SLC36A4: variants seen among roughly 807,000 people sequenced by gnomAD.
The protein encoded by SLC36A4 is solute carrier family 36 member 4.
In SLC36A4, 49 loss-of-function variants were observed where a neutral mutation model predicts 50.5. The observed-to-expected ratio is 0.97, with a 90% CI of 0.77 to 1.23. SLC36A4 has a LOEUF of 1.23. Among genes scored for constraint, SLC36A4 ranks in the 50% most tolerant of loss-of-function variants. The pLI, the probability that SLC36A4 is intolerant of heterozygous loss-of-function variation, is 0.00. For synonymous variants in SLC36A4, 207 were observed against 206.5 expected, an observed-to-expected ratio of 1.00 and a Z score of -0.02; for missense variants, 611 against 608.4, an observed-to-expected ratio of 1.00 and a Z score of -0.05.
At chr11:93,174,095 C>A (rs2134674662) in intron 6 of SLC36A4, among the ~76,000 whole-genome samples, 1 of 151,184 alleles carries the variant, frequency 6.6e-6, no homozygotes, top group African/African-American at 2.4e-5. Context: ...AATGTTCTTC[C>A]ATTTGTTTGT....
chr11:93,197,682 C>T, intron 1 of SLC36A4, 96 bp downstream of exon 1: 2 of 1,372,748 alleles, frequency 1.5e-6, no homozygotes, highest in Non-Finnish European at 2.0e-6. Context: ...TCAACTCAGG[C>T]CAAGCGCGGG....
At chr11:93,171,469 C>T (rs1285770578) in intron 6 of SLC36A4, 1 of 152,038 alleles carries the variant, frequency 6.6e-6, no homozygotes, top group Non-Finnish European at 1.5e-5. Context: ...TTCCATATGA[C>T]TTAGGGCACA....
At chr11:93,196,771 T>C (rs1201768030) in intron 1 of SLC36A4, among the ~76,000 whole-genome samples, 1 of 152,220 alleles carries the variant, frequency 6.6e-6, no homozygotes, top group African/African-American at 2.4e-5. Flanking sequence ...TATTAATGAA[T>C]GAAACCTGAG....
At chr11:93,189,302 G>A (rs1431815433) in intron 1 of SLC36A4, among the ~76,000 whole-genome samples, 1 of 152,018 alleles carries the variant, frequency 6.6e-6, no homozygotes, top group Admixed American at 6.6e-5. Flanking sequence ...AACCTCAGGT[G>A]CCTCAGCCTC....
intron 9 of SLC36A4, among the ~76,000 whole-genome samples, chr11:93,155,790 TCATTTAG>T (rs1244095879): frequency 6.6e-6 from 1 of 152,110 alleles, no homozygotes; most frequent in Non-Finnish European, 1.5e-5. Context: ...CGCGTTTTCA[TCATTTAG>T]CTCCCACTTA....
chr11:93,195,400 A>G (rs749878215), intron 1 of SLC36A4, among the ~76,000 whole-genome samples: 1 of 151,514 alleles, frequency 6.6e-6, no homozygotes, highest in Non-Finnish European at 1.5e-5. Context: ...CTGTCAGGAA[A>G]TCACACTGGT....
At position 93,144,991 on chromosome 11, in the gene SLC36A4, TCTC is replaced by T. The variant is rs1859820233; in HGVS notation, c.*3543_*3545del. ...TTTACACTAGCTCTATTTCAAATCT[TCTC>T]CTTTTAAATGAAGAAAGAAGTGAGG... On this transcript the variant is annotated 3_prime_UTR_variant, in exon 11 of 11. Transcript: ENST00000326402. The T allele has an allele frequency of 1.3e-5, 2 of 152,016 alleles. No homozygotes were observed. Among genetic ancestry groups the T allele is most frequent in the African/African-American group, 2.4e-5 (1 of 41,426 alleles). 9.4% of individuals were successfully genotyped at this position (152,016 alleles called of 1,614,324 possible).
rs1397879627 is a variant in SLC36A4, at chr11:93,147,819, C to T, written c.*718G>A. 1 of 152,050 alleles carries T rather than the reference C, an allele frequency of 6.6e-6. No individual in the cohort carries two copies. The highest frequency in any genetic ancestry group is 1.5e-5 in the Non-Finnish European group (1 of 67,992). The allele number at this position is 152,050 out of a possible 1,614,324, so 9.4% of individuals were successfully genotyped here. A position where few individuals can be genotyped will look rare whatever the true frequency, so the allele number is the denominator to read the frequency against. On this transcript the variant is annotated 3_prime_UTR_variant, in exon 11 of 11. Coordinates refer to ENST00000326402, the MANE Select transcript of SLC36A4 (RefSeq NM_152313.4). ...GACCAAGTTACTTAACCTTTCTAGGCCTCCTTTTCCTCTGACGAAAAACAA... is the reference window on the plus strand; with the variant it reads ...GACCAAGTTACTTAACCTTTCTAGGTCTCCTTTTCCTCTGACGAAAAACAA...
chr11:93,182,497 T>C (rs766699409), intron 4 of SLC36A4, among the ~76,000 whole-genome samples: 31 of 152,136 alleles, frequency 2.0e-4, no homozygotes, highest in Non-Finnish European at 4.0e-4. Context: ...TACTAACACA[T>C]TGAAGACTAT....
In SLC36A4 at chr11:93,146,970, A is replaced by G. The variant is rs1394342369; in HGVS notation, c.*1567T>C. 1 of 151,928 alleles carries G rather than the reference A, an allele frequency of 6.6e-6. No individual in the cohort carries two copies. The highest frequency in any genetic ancestry group is 1.5e-5 in the Non-Finnish European group (1 of 67,960). 9.4% of individuals were successfully genotyped at this position (151,928 alleles called of 1,614,324 possible). On this transcript the variant is annotated 3_prime_UTR_variant, in exon 11 of 11. Transcript: ENST00000326402. ...TCCCTTTATGTTATGATTCTTGTAT[A>G]TATTTATTGTTGTTTTAGTTTTTAA...
intron 6 of SLC36A4, among the ~76,000 whole-genome samples, chr11:93,175,021 G>T (rs1861387799): frequency 6.6e-6 from 1 of 151,830 alleles, no homozygotes; most frequent in Non-Finnish European, 1.5e-5. Flanking sequence ...CAGAAGGAAT[G>T]GTACCAGTTC....
intron 1 of SLC36A4, among the ~76,000 whole-genome samples, chr11:93,191,073 A>G (rs1488623405): frequency 2.0e-5 from 3 of 152,240 alleles, no homozygotes; most frequent in Non-Finnish European, 4.4e-5. Flanking sequence ...TTAGTACCCA[A>G]GAAGTTGCAT....
At chr11:93,195,183 C>G (rs1047836212) in intron 1 of SLC36A4, among the ~76,000 whole-genome samples, 4 of 151,278 alleles carry the variant, frequency 2.6e-5, no homozygotes, top group Non-Finnish European at 5.9e-5. Context: ...ATAATCTATT[C>G]ATTAGACACA....
rs1168001945 is a variant in SLC36A4 at position 93,167,341 on chromosome 11, C to CACAT, written c.768+599_768+602dup. 4.6e-5 allele frequency: 7 copies of CACAT among 152,186 alleles called. No homozygotes were observed. In the East Asian group the frequency reaches 7.7e-4, roughly 17 times the overall value. 9.4% of individuals were successfully genotyped at this position (152,186 alleles called of 1,614,324 possible). On this transcript the variant is annotated intron_variant, in intron 7 of 10. Transcript: ENST00000326402. The stretch of plus-strand genomic sequence containing the variant: ...GCTATACAACTGCTCAACAGCAAAA[C>CACAT]ACATACATACATACAGAAATACTAA...
In SLC36A4 at chr11:93,170,406, G is replaced by GT. The variant is rs1861077020; in HGVS notation, c.541-2236dup. On this transcript the variant is annotated intron_variant, in intron 6 of 10. Transcript: ENST00000326402. ...ATTAAAGTTATAGTACCCTACATTT[G>GT]TATCTTTTACATTTTACAAAGGCTT... is the stretch of plus-strand genomic sequence containing the variant. Among the ~76,000 whole-genome samples the GT allele has an allele frequency of 2.0e-5, 3 of 152,114 alleles. No individual in the cohort carries two copies. The South Asian group carries it at 6.2e-4, about 32-fold the overall frequency.
chr11:93,159,889 C>G, intron 9 of SLC36A4: 1 of 985,268 alleles, frequency 1.0e-6, no homozygotes. Flanking sequence ...CAATCTGTAC[C>G]AAAAGCCCTT....
chr11:93,180,566 T>C (rs547530342), intron 6 of SLC36A4, among the ~76,000 whole-genome samples: 1 of 152,060 alleles, frequency 6.6e-6, no homozygotes, highest in East Asian at 1.9e-4. Flanking sequence ...TTATGTCATA[T>C]TCTGATCTGA....
chr11:93,160,662 GT>G (rs1318233900), intron 9 of SLC36A4: 1 of 985,200 alleles, frequency 1.0e-6, no homozygotes, highest in African/African-American at 1.7e-5. Flanking sequence ...ACCTTTCAAT[GT>G]GAATGTGTGC....
intron 8 of SLC36A4, among the ~76,000 whole-genome samples, chr11:93,164,193 T>C (rs930237829): frequency 6.6e-6 from 1 of 152,220 alleles, no homozygotes; most frequent in Non-Finnish European, 1.5e-5. Flanking sequence ...AGTATATGCA[T>C]GTATACTAAC....
Sources: allele counts gnomAD v4.1 joint callset (sites outside exome capture counted in the v4.1 genomes callset), GRCh38; gene constraint gnomAD v4.1.1; transcripts MANE v1.5; gene names NCBI Gene and HGNC (gene_info 2026-07-23, HGNC 2026-07-21).